Variants in PPEF1 observed in about 807,000 individuals in gnomAD.
The protein encoded by PPEF1 is protein phosphatase with EF-hand domain 1, also known as serine/threonine-protein phosphatase with EF-hands 1.
Under a neutral mutation model 53.3 loss-of-function variants are expected in PPEF1, and 12 were observed. That is an observed-to-expected ratio of 0.23 (90% confidence interval 0.14 to 0.36). The LOEUF is 0.36. Among genes scored for constraint, PPEF1 ranks in the 10% least tolerant of loss-of-function variants. PPEF1 has a pLI of 1.00. For synonymous variants in PPEF1, 165 were observed against 176.7 expected (o/e 0.93, Z 0.52); for missense variants, 334 against 490.4 (o/e 0.68, Z 3.01).
At chrX:18,743,440 CTTTTTCTTTTTTTTTT>C (rs2045238390) in intron 3 of PPEF1, among the ~76,000 whole-genome samples, 1 of 86,727 alleles carries the variant, frequency 1.2e-5, no homozygotes, top group African/African-American at 4.7e-5. Context: ...TCTTTTTTCT[CTTTTTCTTTTTTTTTT>C]TTTTTTTTTT....
chrX:18,737,640 T>C (rs1395772446), intron 3 of PPEF1, among the ~76,000 whole-genome samples: 1 of 111,809 alleles, frequency 8.9e-6, no homozygotes, highest in Non-Finnish European at 1.9e-5. Flanking sequence ...CTATTAGGTC[T>C]GCTTGGTGCA....
At chrX:18,686,964 T>C (rs1929108077) in intron 3 of PPEF1, among the ~76,000 whole-genome samples, 1 of 111,251 alleles carries the variant, frequency 9.0e-6, no homozygotes, top group African/African-American at 3.3e-5. Flanking sequence ...CCATCCTGCA[T>C]CCATCCTGCA....
chrX:18,698,618 GT>G (rs1929868913), intron 5 of PPEF1, among the ~76,000 whole-genome samples: 1 of 111,530 alleles, frequency 9.0e-6, no homozygotes, highest in South Asian at 3.8e-4. Flanking sequence ...AACCTCGTCT[GT>G]ACTAAAAATA....
chrX:18,713,545 C>T (rs1376733597), intron 1 of PPEF1, among the ~76,000 whole-genome samples: 3 of 108,602 alleles, frequency 2.8e-5, no homozygotes, highest in African/African-American at 1.0e-4. Context: ...TTGGATATGC[C>T]AATCAAGGTT....
intron 1 of PPEF1, among the ~76,000 whole-genome samples, chrX:18,684,254 C>T (rs993862622): frequency 8.9e-6 from 1 of 111,761 alleles, no homozygotes; most frequent in Non-Finnish European, 1.9e-5. Flanking sequence ...ACCCAAAGGA[C>T]TCATTTGTTC....
intron 4 of PPEF1, among the ~76,000 whole-genome samples, chrX:18,695,150 C>G (rs1011940830): frequency 8.9e-6 from 1 of 111,941 alleles, no homozygotes; most frequent in Non-Finnish European, 1.9e-5. Flanking sequence ...CTTCCAAGCC[C>G]GTATGGTTGT....
intron 4 of PPEF1, among the ~76,000 whole-genome samples, chrX:18,753,457 T>C (rs944872100): frequency 1.1e-4 from 12 of 111,970 alleles, no homozygotes; most frequent in Admixed American, 3.8e-4. Context: ...CTTTTGGTTT[T>C]GTTGATTCTC....
intron 6 of PPEF1, among the ~76,000 whole-genome samples, chrX:18,763,210 C>G (rs1027997004): frequency 1.5e-4 from 17 of 111,534 alleles, no homozygotes; most frequent in African/African-American, 5.5e-4. Context: ...GGGGTGATTA[C>G]CCTTATCTTG....
At chrX:18,825,573 G>A (rs1391489522) in intron 14 of PPEF1, among the ~76,000 whole-genome samples, 178 bp from the exon 15 acceptor site, 1 of 112,200 alleles carries the variant, frequency 8.9e-6, no homozygotes, top group African/African-American at 3.2e-5. Flanking sequence ...CCTGTCCCCT[G>A]AGGATCACAG....
At chrX:18,795,289 G>A (rs1200167807) in intron 10 of PPEF1, among the ~76,000 whole-genome samples, 1 of 112,239 alleles carries the variant, frequency 8.9e-6, no homozygotes, top group South Asian at 3.7e-4. Context: ...CAGCCTGGGC[G>A]ACAGAGTGGG....
chrX:18,777,491 T>C (rs1462127205), intron 6 of PPEF1, among the ~76,000 whole-genome samples: 1 of 112,149 alleles, frequency 8.9e-6, no homozygotes, highest in Non-Finnish European at 1.9e-5. Flanking sequence ...CATTTTGTTT[T>C]TCTTTTCTTT....
intron 9 of PPEF1, among the ~76,000 whole-genome samples, chrX:18,784,624 G>C (rs1342818272): frequency 1.8e-5 from 2 of 110,454 alleles, no homozygotes; most frequent in African/African-American, 6.6e-5. Flanking sequence ...ACCACTCTAG[G>C]TACCTTATAT....
At position 18,779,054 on chromosome X, in the gene PPEF1, C is replaced by T; in HGVS notation, c.603C>T (p.Asp201=). Residue 201 remains aspartate, a synonymous_variant, in exon 7 of 16, where the codon GAC becomes GAT. Transcript: ENST00000470157. ...SERNPYVFNG[D]FVDRGKNSIE... is the part of the protein sequence containing the mutation. Reference sequence around the variant, plus strand: ...GGAACCCGTATGTTTTTAATGGTGACTTTGTAGATCGAGGAAAGAATTCCA... The same window carrying T: ...GGAACCCGTATGTTTTTAATGGTGATTTTGTAGATCGAGGAAAGAATTCCA... 8.3e-7 allele frequency: 1 copy of T among 1,203,981 alleles called. No individual in the cohort carries two copies. The highest frequency in any genetic ancestry group is 1.1e-6 in the Non-Finnish European group (1 of 888,770).
chrX:18,710,023 G>A (rs184471729), intron 1 of PPEF1, among the ~76,000 whole-genome samples: 1 of 111,610 alleles, frequency 9.0e-6, no homozygotes, highest in African/African-American at 3.2e-5. Flanking sequence ...AGTTGTTATT[G>A]TCTGTCCTTT....
intron 3 of PPEF1, among the ~76,000 whole-genome samples, chrX:18,740,672 G>A (rs1419725318): frequency 5.4e-5 from 6 of 111,430 alleles, no homozygotes; most frequent in South Asian, 3.7e-4. Context: ...GTCTCCCAAA[G>A]TGCTGGGATT....
At chrX:18,708,289 A>G (rs1441511316) in intron 1 of PPEF1, among the ~76,000 whole-genome samples, 1 of 112,121 alleles carries the variant, frequency 8.9e-6, no homozygotes, top group African/African-American at 3.2e-5. Flanking sequence ...TTTAAAAATA[A>G]TCTAGGAGAA....
At chrX:18,818,295 G>A in intron 13 of PPEF1, 150 bp downstream of exon 13, 1 of 367,154 alleles carries the variant, frequency 2.7e-6, no homozygotes, top group East Asian at 4.7e-5. Context: ...TCCATTATTT[G>A]CTCAAAAAAG....
intron 1 of PPEF1, among the ~76,000 whole-genome samples, chrX:18,684,506 G>A (rs188970722): frequency 9.0e-6 from 1 of 111,381 alleles, no homozygotes. Context: ...CTTTCAGTGA[G>A]ATTACATTTC....
intron 6 of PPEF1, among the ~76,000 whole-genome samples, chrX:18,762,267 G>A (rs140954453): frequency 2.4e-4 from 27 of 111,688 alleles, no homozygotes; most frequent in Non-Finnish European, 5.1e-4. Flanking sequence ...TGCCTTCACA[G>A]CGGTTACCCC....
Sources: gnomAD v4.1 joint callset for allele counts (sites outside exome capture counted in the v4.1 genomes callset) on GRCh38, gnomAD v4.1.1 for gene constraint, MANE v1.5 for transcripts, NCBI Gene and HGNC (gene_info 2026-07-23, HGNC 2026-07-21) for gene names.